The following VWA5A variants were observed in gnomAD, a reference collection of about 807,000 sequenced individuals.
The protein encoded by VWA5A is von Willebrand factor A domain containing 5A.
Under a neutral mutation model 84.6 loss-of-function variants are expected in VWA5A, and 77 were observed. The observed-to-expected ratio is 0.91, with a 90% CI of 0.76 to 1.10. The LOEUF (loss-of-function observed/expected upper bound fraction) is 1.10. VWA5A is among the 50% of genes least tolerant of loss of function. VWA5A has a pLI of 0.00. For missense variants in VWA5A, 973 were observed against 963.0 expected, an observed-to-expected ratio of 1.01 and a Z score of -0.14; for synonymous variants, 334 against 350.1, an observed-to-expected ratio of 0.95 and a Z score of 0.51.
intron 11 of VWA5A, among the ~76,000 whole-genome samples, chr11:124,133,306 T>G (rs1865124899): frequency 6.6e-6 from 1 of 152,224 alleles, no homozygotes; most frequent in Non-Finnish European, 1.5e-5. Flanking sequence ...ACAAGAACAC[T>G]TTGGCTGTGG....
Position 124,137,136 on chromosome 11 carries a change from A to G in VWA5A, c.1747A>G (p.Ser583Gly). The G allele has an allele frequency of 6.2e-7, 1 of 1,614,090 alleles. No homozygotes were observed. The highest frequency in any genetic ancestry group is 8.5e-7 in the Non-Finnish European group (1 of 1,180,020). Residue 583 changes from serine (S) to glycine (G), a missense_variant, in exon 15 of 19, where the codon AGC (serine) becomes GGC (glycine). Transcript: ENST00000456829. ...LNLSLESGVI[S>G]SFTAFIAINK... Reference sequence around the variant, plus strand: ...CCTTAGCCTTGAGTCTGGTGTCATAAGCTCCTTCACAGCTTTCATTGCTAT... The same window carrying G: ...CCTTAGCCTTGAGTCTGGTGTCATAGGCTCCTTCACAGCTTTCATTGCTAT...
At chr11:124,133,395 A>C (rs1002462373) in intron 11 of VWA5A, among the ~76,000 whole-genome samples, 1 of 152,156 alleles carries the variant, frequency 6.6e-6, no homozygotes, top group Non-Finnish European at 1.5e-5. Flanking sequence ...TGTACTTGGC[A>C]CTTGCTTCAA....
At chr11:124,129,666 T>C (rs149267353) in intron 11 of VWA5A, among the ~76,000 whole-genome samples, 85 of 152,294 alleles carry the variant, frequency 5.6e-4, no homozygotes, top group African/African-American at 2.0e-3. Flanking sequence ...AACTTGTTAT[T>C]GGTCTATTCA....
At chr11:124,116,035 C>A (rs1223133070) in intron 1 of VWA5A, 1 of 152,310 alleles carries the variant, frequency 6.6e-6, no homozygotes, top group East Asian at 1.9e-4. Flanking sequence ...GTTCCGAGTT[C>A]TCCACTTCAC....
At position 124,141,740 on chromosome 11, in the gene VWA5A, A is replaced by G; in HGVS notation, c.2022A>G (p.Pro674=). The G allele has an allele frequency of 1.2e-6, 2 of 1,613,742 alleles. No individual in the cohort carries two copies. The highest frequency in any genetic ancestry group is 1.1e-5 in the South Asian group (1 of 91,000). ...TAAGTCACAAGGACCAGCACAGTCCAGGTGAGTACCTTTATAGGAACATTT... is the reference window on the plus strand; with the variant it reads ...TAAGTCACAAGGACCAGCACAGTCCGGGTGAGTACCTTTATAGGAACATTT... ...GLISHKDQHS[P]GFGENHLVQL... Residue 674 remains proline (P), a splice_region_variant and synonymous_variant, in exon 16 of 19, where the codon CCA becomes CCG. Coordinates refer to ENST00000456829, the MANE Select transcript of VWA5A (RefSeq NM_001130142.2).
rs191296926 is a variant in VWA5A at position 124,125,343 on chromosome 11, C to T, written c.1244+1027C>T. Among the ~76,000 whole-genome samples the T allele has an allele frequency of 3.2e-3, 485 of 151,082 alleles. 4 individuals are homozygous for T. Among genetic ancestry groups the T allele is most frequent in the Admixed American group, 4.7e-3 (72 of 15,160 alleles). On this transcript the variant is annotated intron_variant, in intron 11 of 18. Coordinates refer to ENST00000456829, the MANE Select transcript of VWA5A (RefSeq NM_001130142.2). Reference sequence around the variant, plus strand: ...TTTCGCCCAGGCCGGACTGCAGTGGCGCTATCTCGGCTCCCTGCCATCTCC... The same window carrying T: ...TTTCGCCCAGGCCGGACTGCAGTGGTGCTATCTCGGCTCCCTGCCATCTCC...
chr11:124,126,620 C>T (rs1312088887), intron 11 of VWA5A, among the ~76,000 whole-genome samples: 3 of 151,998 alleles, frequency 2.0e-5, no homozygotes, highest in Admixed American at 2.0e-4. Flanking sequence ...TTAGCCAGGG[C>T]ATGGTAGTGT....
At chr11:124,139,425 A>G (rs571509893) in intron 15 of VWA5A, among the ~76,000 whole-genome samples, 1 of 152,296 alleles carries the variant, frequency 6.6e-6, no homozygotes, top group African/African-American at 2.4e-5. Flanking sequence ...ATCCAAGAAC[A>G]TGAGATATCT....
At chr11:124,136,749 A>C (rs139925476) in intron 14 of VWA5A, 75 bp downstream of exon 14, 47,819 of 535,248 alleles carry the variant, frequency 0.089, 778 homozygotes, top group East Asian at 0.27. Flanking sequence ...TCCTTCCTTC[A>C]TTCCCTCCCT....
Position 124,128,070 on chromosome 11 carries a change from G to A in VWA5A, c.1244+3754G>A, listed in dbSNP as rs142357654. 6.5e-4 allele frequency among the ~76,000 whole-genome samples: 99 copies of A among 152,232 alleles called. No individual in the cohort carries two copies. The East Asian group carries it at 0.019, about 28-fold the overall frequency. On this transcript the variant is annotated intron_variant, in intron 11 of 18. Transcript: ENST00000456829. Reference sequence around the variant, plus strand: ...TGTTGCCATTGCTTTTGGTGTTTTAGTCATGAAGTATTTGCCCATGCCTAT... The same window carrying A: ...TGTTGCCATTGCTTTTGGTGTTTTAATCATGAAGTATTTGCCCATGCCTAT...
chr11:124,141,993 G>C (rs1002797174), intron 16 of VWA5A, among the ~76,000 whole-genome samples: 1 of 152,150 alleles, frequency 6.6e-6, no homozygotes, highest in Non-Finnish European at 1.5e-5. Flanking sequence ...ATGTTCTGCT[G>C]CCTGTGGCTT....
At chr11:124,135,095 G>C in intron 12 of VWA5A, 61 bp downstream of exon 12, 1 of 1,446,946 alleles carries the variant, frequency 6.9e-7, no homozygotes, top group Non-Finnish European at 9.5e-7. Context: ...GTGGAACGGG[G>C]TGGGGAACAC....
intron 4 of VWA5A, 62 bp from the exon 5 acceptor site, chr11:124,118,125 CTT>C: frequency 6.4e-7 from 1 of 1,555,148 alleles, no homozygotes; most frequent in Non-Finnish European, 8.7e-7. Flanking sequence ...CTGCTCGTCT[CTT>C]TTTCAGCCAT....
rs1010621950 is a variant in VWA5A at position 124,137,048 on chromosome 11, G to A, written c.1659G>A (p.Leu553=). The A allele has an allele frequency of 1.2e-6, 2 of 1,610,164 alleles. No individual in the cohort carries two copies. Among genetic ancestry groups the A allele is most frequent in the South Asian group, 2.2e-5 (2 of 90,914 alleles). ...TTCACCGCCTTGCTGCCAAGTCCTT[G>A]CTCCAGACCAAGGACATGGGCCTCA... ...LTIHRLAAKS[L]LQTKDMGLRE... The change falls in exon 15 of 19, where the codon TTG becomes TTA. Residue 553 remains leucine (L), a synonymous_variant. Coordinates refer to ENST00000456829, the MANE Select transcript of VWA5A (RefSeq NM_001130142.2).
chr11:124,141,161 C>T (rs984007363), intron 15 of VWA5A, among the ~76,000 whole-genome samples: 2 of 152,034 alleles, frequency 1.3e-5, no homozygotes, highest in Non-Finnish European at 1.5e-5. Context: ...ACAATAGTGA[C>T]GACATGTGGA....
intron 6 of VWA5A, 74 bp from the exon 7 acceptor site, chr11:124,118,901 T>C: frequency 6.8e-7 from 1 of 1,461,428 alleles, no homozygotes; most frequent in Non-Finnish European, 9.4e-7. Flanking sequence ...GGAGGAGGAC[T>C]GCGCCCTAAC....
chr11:124,140,580 C>G (rs1434018508), intron 15 of VWA5A, among the ~76,000 whole-genome samples: 1 of 152,112 alleles, frequency 6.6e-6, no homozygotes, highest in Non-Finnish European at 1.5e-5. Flanking sequence ...TCTCCCACCT[C>G]AGCCTCCTGA....
intron 2 of VWA5A, among the ~76,000 whole-genome samples, chr11:124,116,936 C>T (rs1345958486): frequency 6.6e-6 from 1 of 152,204 alleles, no homozygotes; most frequent in Non-Finnish European, 1.5e-5. Flanking sequence ...CACACAGCTT[C>T]TCACATGCAG....
In VWA5A at chr11:124,134,991, G is replaced by A. The variant is rs766985431; in HGVS notation, c.1316G>A (p.Gly439Asp). 2 of 1,613,556 alleles carry A rather than the reference G, an allele frequency of 1.2e-6. No individual in the cohort carries two copies. The highest frequency in any genetic ancestry group is 8.5e-7 in the Non-Finnish European group (1 of 1,179,780). ...LIKGIARASG[G>D]TSEFITGKDR... ...AAAGGTATTGCCCGGGCATCAGGGG[G>A]CACCTCAGAATTTATCACAGGCAAA... The change falls in exon 12 of 19, where the codon GGC (glycine) becomes GAC (aspartate). Residue 439 changes from glycine (G) to aspartate (D), a missense_variant. Gly to Asp is a moderately conservative substitution (Grantham distance 94, BLOSUM62 -1). Transcript: ENST00000456829.
Sources: allele counts gnomAD v4.1 joint callset (sites outside exome capture counted in the v4.1 genomes callset), GRCh38; gene constraint gnomAD v4.1.1; transcripts MANE v1.5; gene names NCBI Gene and HGNC (gene_info 2026-07-23, HGNC 2026-07-21).